CFAP47: variants seen among roughly 807,000 people sequenced by gnomAD.
CFAP47 encodes cilia and flagella associated protein 47.
In CFAP47, 29 loss-of-function variants were observed where a neutral mutation model predicts 148.1. The observed-to-expected ratio is 0.20, with a 90% confidence interval of 0.15 to 0.27. CFAP47 has a LOEUF of 0.27. Ranked by LOEUF, CFAP47 falls within the 10% of genes least tolerant of loss-of-function variation. CFAP47 has a pLI of 1.00. For missense variants in CFAP47, 1,872 were observed against 1,697.5 expected (o/e 1.10, Z -1.81); for synonymous variants, 664 against 577.3 (o/e 1.15, Z -2.15).
chrX:36,168,666 A>G (rs899287622), intron 39 of CFAP47, among the ~76,000 whole-genome samples: 1 of 111,737 alleles, frequency 8.9e-6, no homozygotes, highest in Non-Finnish European at 1.9e-5. Flanking sequence ...GGCTCAAGCT[A>G]TCCTGCCGCC....
rs1234321084 is a variant in CFAP47 at position 36,085,404 on chromosome X, T to A, written c.4782T>A (p.Ile1594=). The A allele has an allele frequency of 8.3e-7, 1 of 1,206,069 alleles. No homozygotes were observed. Among genetic ancestry groups the A allele is most frequent in the Non-Finnish European group, 1.1e-6 (1 of 891,109 alleles). ...QNDFSKYNKT[I]YDVLLHLSGK... Reference sequence around the variant, plus strand: ...ACTTTTCCAAATATAATAAGACCATTTATGATGTGCTGCTCCATTTGAGTG... The same window carrying A: ...ACTTTTCCAAATATAATAAGACCATATATGATGTGCTGCTCCATTTGAGTG... Residue 1594 remains isoleucine (I), a synonymous_variant, in exon 30 of 64, where the codon ATT becomes ATA. Coordinates refer to ENST00000378653, the MANE Select transcript of CFAP47 (RefSeq NM_001304548.2).
At chrX:36,242,158 A>G (rs781806006) in intron 48 of CFAP47, among the ~76,000 whole-genome samples, 9 of 112,258 alleles carry the variant, frequency 8.0e-5, no homozygotes, top group African/African-American at 2.9e-4. Context: ...AACATCCACA[A>G]ACAAAGCAAA....
At chrX:36,139,398 A>G (rs1029140527) in intron 35 of CFAP47, among the ~76,000 whole-genome samples, 2 of 111,763 alleles carry the variant, frequency 1.8e-5, no homozygotes, top group Middle Eastern at 4.2e-3. Context: ...AAACAGAGAC[A>G]TAGGCATATA....
At chrX:36,371,726 ACATGTGTG>A (rs1941949400) in intron 62 of CFAP47, among the ~76,000 whole-genome samples, 2 of 59,687 alleles carry the variant, frequency 3.4e-5, no homozygotes, top group Non-Finnish European at 3.0e-5. Flanking sequence ...GTATATACAC[ACATGTGTG>A]TATATATGTG....
intron 15 of CFAP47, 42 bp downstream of exon 15, chrX:35,975,955 C>A: frequency 1.8e-6 from 2 of 1,128,860 alleles, no homozygotes; most frequent in Middle Eastern, 2.4e-4. Context: ...TTTATTTTTT[C>A]ATGTATTCAT....
intron 35 of CFAP47, chrX:36,144,464 T>C (rs913592944): frequency 2.4e-6 from 2 of 850,879 alleles, no homozygotes; most frequent in Non-Finnish European, 3.0e-6. Context: ...TTCCTCTTTT[T>C]ATATTTTTAT....
At chrX:36,315,402 A>G (rs1941425376) in intron 56 of CFAP47, among the ~76,000 whole-genome samples, 1 of 111,926 alleles carries the variant, frequency 8.9e-6, no homozygotes, top group Non-Finnish European at 1.9e-5. Flanking sequence ...ATGCTCCACA[A>G]TTTGCACATG....
Position 36,071,869 on chromosome X carries a change from C to G in CFAP47, c.4363C>G (p.Pro1455Ala). 8.3e-7 allele frequency: 1 copy of G among 1,204,942 alleles called. No homozygotes were observed. The highest frequency in any genetic ancestry group is 1.1e-6 in the Non-Finnish European group (1 of 890,331). ...GAAGACTAGAGATGGTGTTTTGCCT[C>G]CCTACCAGGATGCTAAACCACCCTC... ...LKKTRDGVLP[P>A]YQDAKPPSPA... is the part of the protein sequence containing the mutation. Residue 1455 changes from proline to alanine, a missense_variant, in exon 28 of 64, where the codon CCC (proline) becomes GCC (alanine). Pro to Ala is a conservative substitution (Grantham distance 27). Coordinates refer to ENST00000378653, the MANE Select transcript of CFAP47 (RefSeq NM_001304548.2).
At chrX:36,267,679 C>T (rs1276285316) in intron 49 of CFAP47, among the ~76,000 whole-genome samples, 3 of 110,679 alleles carry the variant, frequency 2.7e-5, no homozygotes, top group East Asian at 5.7e-4. Flanking sequence ...GGGGTTTCAC[C>T]GTGTTAGCCA....
At chrX:36,029,391 T>C (rs1399497183) in intron 22 of CFAP47, among the ~76,000 whole-genome samples, 1 of 111,397 alleles carries the variant, frequency 9.0e-6, no homozygotes, top group Non-Finnish European at 1.9e-5. Context: ...CATTTAGCTC[T>C]GCTCTGATCT....
chrX:36,175,498 T>C (rs1360554632), intron 39 of CFAP47, among the ~76,000 whole-genome samples: 1 of 111,802 alleles, frequency 8.9e-6, no homozygotes, highest in Non-Finnish European at 1.9e-5. Flanking sequence ...CCTTTCTGTT[T>C]GTTAGTTTTC....
chrX:35,972,016 G>C (rs753836358), intron 13 of CFAP47, 51 bp downstream of exon 13: 1 of 784,110 alleles, frequency 1.3e-6, no homozygotes. Context: ...ATAAAAAAAA[G>C]ATTTCTTAAA....
chrX:35,976,481 G>T (rs1238746072), intron 15 of CFAP47, among the ~76,000 whole-genome samples: 2 of 111,523 alleles, frequency 1.8e-5, no homozygotes, highest in African/African-American at 6.5e-5. Context: ...AATGTATACA[G>T]TCTTTGTCAA....
At chrX:36,160,802 A>G in intron 39 of CFAP47, 33 bp downstream of exon 39, 1 of 287,182 alleles carries the variant, frequency 3.5e-6, no homozygotes, top group Non-Finnish European at 6.1e-6. Flanking sequence ...ATTCATTGCA[A>G]TTAGCTCTAT....
chrX:36,228,364 A>C (rs1254760241), intron 45 of CFAP47, among the ~76,000 whole-genome samples: 1 of 110,965 alleles, frequency 9.0e-6, no homozygotes, highest in African/African-American at 3.3e-5. Context: ...GTACAAATGC[A>C]AGATGGTGGT....
At chrX:36,214,871 A>T (rs1555989977) in intron 45 of CFAP47, among the ~76,000 whole-genome samples, 1 of 111,678 alleles carries the variant, frequency 9.0e-6, no homozygotes, top group Non-Finnish European at 1.9e-5. Flanking sequence ...ACTATTTTAC[A>T]GTTAATTTTT....
rs191437965 is a variant in CFAP47 at position 36,248,268 on chromosome X, A to G, written c.7333-3065A>G. On this transcript the variant is annotated intron_variant, in intron 48 of 63. Transcript: ENST00000378653. ...ACTATCAGAAGATCTACAGTTACCT[A>G]TAAAAGATAATTCAAAAACAAGAAT... Among the ~76,000 whole-genome samples, 462 of 105,312 alleles carry G rather than the reference A, an allele frequency of 4.4e-3. 2 individuals carry two copies. Among genetic ancestry groups the G allele is most frequent in the Middle Eastern group, 0.02 (4 of 199 alleles). 91.5% of individuals were successfully genotyped at this position (105,312 alleles called of 115,157 possible).
intron 39 of CFAP47, among the ~76,000 whole-genome samples, chrX:36,173,409 T>C (rs1569279989): frequency 8.9e-6 from 1 of 112,116 alleles, no homozygotes; most frequent in Non-Finnish European, 1.9e-5. Flanking sequence ...CAATTTTAGA[T>C]CTTTCCTGCT....
At position 36,235,953 on chromosome X, in the gene CFAP47, A is replaced by G; in HGVS notation, c.7034A>G (p.Lys2345Arg). 2.0e-6 allele frequency: 1 copy of G among 499,769 alleles called. No individual in the cohort carries two copies. The highest frequency in any genetic ancestry group is 3.0e-5 in the Admixed American group (1 of 33,148). The allele number at this position is 499,769 out of a possible 1,213,427, so 41.2% of individuals were successfully genotyped here. A position where few individuals can be genotyped will look rare whatever the true frequency, so the allele number is the denominator to read the frequency against. The change falls in exon 47 of 64, where the codon AAA (lysine) becomes AGA (arginine). Residue 2345 changes from lysine (K) to arginine (R), a missense_variant. Coordinates refer to ENST00000378653, the MANE Select transcript of CFAP47 (RefSeq NM_001304548.2). ...NIPIKNQTNDKWTFQVTIEGE... is the reference protein window; with the variant it reads ...NIPIKNQTNDRWTFQVTIEGE... ...CTTTAGAAAAATCAAACAAACGATA[A>G]ATGGACCTTTCAAGTTACTATAGAA...
Sources: allele counts gnomAD v4.1 joint callset (sites outside exome capture counted in the v4.1 genomes callset), GRCh38; gene constraint gnomAD v4.1.1; transcripts MANE v1.5; gene names NCBI Gene and HGNC (gene_info 2026-07-23, HGNC 2026-07-21).